The following KCNT2 variants were observed in gnomAD, a reference collection of about 807,000 sequenced individuals.
KCNT2 encodes potassium channel subfamily T member 2.
A neutral mutation model predicts 153.8 loss-of-function variants in KCNT2; 67 were observed. The ratio of observed to expected loss-of-function variants is 0.44; its 90% CI spans 0.36 to 0.53. The LOEUF (loss-of-function observed/expected upper bound fraction) is 0.53, where lower values mean the gene tolerates loss of function less well. Ranked by LOEUF, KCNT2 falls within the 20% of genes least tolerant of loss-of-function variation. KCNT2 has a pLI of 0.00. For missense variants in KCNT2, 975 were observed against 1,354.8 expected, an observed-to-expected ratio of 0.72 and a Z score of 4.40; for synonymous variants, 500 against 458.8, an observed-to-expected ratio of 1.09 and a Z score of -1.15.
chr1:196,573,477 C>T (rs1177492970), intron 1 of KCNT2, among the ~76,000 whole-genome samples: 2 of 152,064 alleles, frequency 1.3e-5, no homozygotes, highest in African/African-American at 2.4e-5. Context: ...TTTCTAATCA[C>T]GCCAGGAGAA....
At chr1:196,441,430 T>A (rs1208729484) in intron 8 of KCNT2, among the ~76,000 whole-genome samples, 1 of 150,734 alleles carries the variant, frequency 6.6e-6, no homozygotes, top group Admixed American at 6.6e-5. Flanking sequence ...ATCTACTTTT[T>A]TTTTTTTCCT....
chr1:196,309,276 A>C (rs1661930254), intron 21 of KCNT2, among the ~76,000 whole-genome samples: 1 of 151,992 alleles, frequency 6.6e-6, no homozygotes, highest in Non-Finnish European at 1.5e-5. Context: ...TTTATCTTTG[A>C]TATAAACCAG....
intron 8 of KCNT2, among the ~76,000 whole-genome samples, chr1:196,448,164 T>C (rs1318216940): frequency 1.3e-5 from 2 of 151,566 alleles, no homozygotes; most frequent in Admixed American, 6.6e-5. Context: ...CCCAGACTCA[T>C]TTCTGATGTC....
At chr1:196,451,784 T>C (rs1324842576) in intron 8 of KCNT2, among the ~76,000 whole-genome samples, 8 of 151,848 alleles carry the variant, frequency 5.3e-5, no homozygotes, top group African/African-American at 1.9e-4. Flanking sequence ...ATCATTTGTG[T>C]TTACTGTTTT....
intron 15 of KCNT2, 135 bp downstream of exon 15, chr1:196,341,944 T>C (rs1009640625): frequency 2.7e-5 from 20 of 746,908 alleles, no homozygotes; most frequent in South Asian, 8.5e-5. Flanking sequence ...TGTTTCAACA[T>C]TGGGGAATAT....
chr1:196,599,043 A>G (rs1408924219), intron 1 of KCNT2, among the ~76,000 whole-genome samples: 1 of 152,240 alleles, frequency 6.6e-6, no homozygotes, highest in Non-Finnish European at 1.5e-5. Flanking sequence ...ATAATTTGCC[A>G]ATGTAATCAC....
intron 1 of KCNT2, among the ~76,000 whole-genome samples, chr1:196,513,227 C>A (rs1339951): frequency 0.85 from 130,002 of 152,112 alleles, 56,454 homozygotes; most frequent in South Asian, 0.99. Flanking sequence ...TAACTGTATG[C>A]TCAGCACCTA....
At chr1:196,380,223 A>C (rs776355009) in intron 13 of KCNT2, among the ~76,000 whole-genome samples, 2 of 152,158 alleles carry the variant, frequency 1.3e-5, no homozygotes, top group Non-Finnish European at 2.9e-5. Flanking sequence ...AGAGTTTTAG[A>C]AGCATATGAC....
chr1:196,396,154 C>T (rs1670919993), intron 13 of KCNT2, among the ~76,000 whole-genome samples: 1 of 151,548 alleles, frequency 6.6e-6, no homozygotes, highest in South Asian at 2.1e-4. Context: ...GGATGAGCCT[C>T]ACTTTCCAAG....
intron 13 of KCNT2, among the ~76,000 whole-genome samples, chr1:196,382,271 A>AT (rs5779833): frequency 0.31 from 45,549 of 148,568 alleles, 7,329 homozygotes; most frequent in Admixed American, 0.36. Context: ...GCTATTTTTT[A>AT]TTTTTTTTTG....
At chr1:196,311,523 GCAAAAACAGCAAC>G (rs2148003716) in intron 21 of KCNT2, among the ~76,000 whole-genome samples, 1 of 151,930 alleles carries the variant, frequency 6.6e-6, no homozygotes, top group South Asian at 2.1e-4. Context: ...GAAAACAAAA[GCAAAAACAGCAAC>G]CAAAAATCTT....
At position 196,373,292 on chromosome 1, in the gene KCNT2, A is replaced by G. The variant is rs199889248; in HGVS notation, c.1295-44T>C. On this transcript the variant is annotated intron_variant, in intron 13 of 27. Transcript: ENST00000294725. The stretch of plus-strand genomic sequence containing the variant: ...GTAAATTAGAATAATTTACCTTTGG[A>G]GAGTAATAAAATGTAAAAAATAAAA... 729 of 846,614 alleles carry G rather than the reference A, an allele frequency of 8.6e-4. 2 individuals are homozygous for G. Among genetic ancestry groups the G allele is most frequent in the South Asian group, 9.3e-4 (65 of 70,184 alleles). The allele number at this position is 846,614 out of a possible 1,614,324, so 52.4% of individuals were successfully genotyped here. A position where few individuals can be genotyped will look rare whatever the true frequency, so the allele number is the denominator to read the frequency against.
In KCNT2 at chr1:196,326,759, G is replaced by A; in HGVS notation, c.2234C>T (p.Pro745Leu). 6.4e-7 allele frequency: 1 copy of A among 1,559,164 alleles called. No individual in the cohort carries two copies. Among genetic ancestry groups the A allele is most frequent in the Non-Finnish European group, 8.6e-7 (1 of 1,159,310 alleles). ...TACTATGGGATTAAGTTCTTTCTTT[G>A]GTCTATAATATGCCCTGAGAGGAAC... ...FIVPLRAYYR[P>L]KKELNPIVLL... Residue 745 changes from proline (P) to leucine (L), a missense_variant, in exon 19 of 28, where the codon CCA (proline) becomes CTA (leucine). Pro to Leu is a moderately conservative substitution (Grantham distance 98). Transcript: ENST00000294725.
At chr1:196,597,753 C>T (rs921689574) in intron 1 of KCNT2, among the ~76,000 whole-genome samples, 1 of 152,090 alleles carries the variant, frequency 6.6e-6, no homozygotes, top group Non-Finnish European at 1.5e-5. Flanking sequence ...TTGGTTTTTT[C>T]CTTATTATCT....
chr1:196,469,199 A>C, intron 5 of KCNT2, 131 bp from the exon 6 acceptor site: 1 of 556,538 alleles, frequency 1.8e-6, no homozygotes, highest in Non-Finnish European at 3.3e-6. Context: ...TATTATATAG[A>C]GATGTAGCAA....
At chr1:196,489,783 T>C in intron 3 of KCNT2, 55 bp downstream of exon 3, 1 of 961,296 alleles carries the variant, frequency 1.0e-6, no homozygotes, top group Non-Finnish European at 1.6e-6. Flanking sequence ...TAAAATGTGA[T>C]ACAACTCAAA....
chr1:196,402,476 C>A (rs1671498193), intron 12 of KCNT2, among the ~76,000 whole-genome samples: 1 of 151,308 alleles, frequency 6.6e-6, no homozygotes, highest in Non-Finnish European at 1.5e-5. Context: ...CACTATGAAG[C>A]AGTAAGAATG....
chr1:196,579,391 C>T (rs974236292), intron 1 of KCNT2, among the ~76,000 whole-genome samples: 4 of 151,630 alleles, frequency 2.6e-5, no homozygotes, highest in Admixed American at 1.3e-4. Context: ...TTAGTACCTG[C>T]GTGATGAAAT....
At position 196,447,249 on chromosome 1, in the gene KCNT2, G is replaced by T. The variant is rs367997275; in HGVS notation, c.639-17492C>A. On this transcript the variant is annotated intron_variant, in intron 8 of 27. Coordinates refer to ENST00000294725, the MANE Select transcript of KCNT2 (RefSeq NM_198503.5). ...AAAATAATGGAAAACATGTATTACA[G>T]AGCAGTTGGTGGTAGATGGTGTAGC... Among the ~76,000 whole-genome samples the T allele has an allele frequency of 3.3e-5, 5 of 151,674 alleles. No individual in the cohort carries two copies. The East Asian group carries it at 7.8e-4, about 24-fold the overall frequency.
Sources: gnomAD v4.1 joint callset for allele counts (sites outside exome capture counted in the v4.1 genomes callset) on GRCh38, gnomAD v4.1.1 for gene constraint, MANE v1.5 for transcripts, NCBI Gene and HGNC (gene_info 2026-07-23, HGNC 2026-07-21) for gene names.